The following ADCY2 variants were observed in gnomAD, a reference collection of about 807,000 sequenced individuals.
The protein encoded by ADCY2 is adenylate cyclase 2.
In ADCY2, 31 loss-of-function variants were observed where a neutral mutation model predicts 125.2. The observed-to-expected ratio is 0.25, with a 90% CI of 0.19 to 0.33. ADCY2 has a LOEUF of 0.33. Among genes scored for constraint, ADCY2 ranks in the 10% least tolerant of loss-of-function variants. The probability of loss-of-function intolerance (pLI) is 1.00; values close to 1 mark genes in which losing one functional copy is unlikely to be tolerated. For synonymous variants in ADCY2, 512 were observed against 548.4 expected (o/e 0.93, Z 0.93); for missense variants, 904 against 1,418.2 (o/e 0.64, Z 5.82).
At chr5:7,696,857 A>G (rs947449387) in intron 6 of ADCY2, among the ~76,000 whole-genome samples, 1 of 152,182 alleles carries the variant, frequency 6.6e-6, no homozygotes, top group Non-Finnish European at 1.5e-5. Context: ...CAGTAAAAGC[A>G]CAGCTCTGCT....
intron 15 of ADCY2, among the ~76,000 whole-genome samples, chr5:7,752,602 T>A (rs1267769180): frequency 1.3e-5 from 2 of 152,120 alleles, no homozygotes; most frequent in African/African-American, 2.4e-5. Flanking sequence ...AATGATTAAG[T>A]TAAATTATGA....
At chr5:7,474,748 G>A (rs1030869775) in intron 2 of ADCY2, among the ~76,000 whole-genome samples, 11 of 152,230 alleles carry the variant, frequency 7.2e-5, no homozygotes, top group African/African-American at 2.7e-4. Flanking sequence ...TAAGCACACT[G>A]GGAAGTGGCT....
intron 3 of ADCY2, among the ~76,000 whole-genome samples, chr5:7,563,503 A>T (rs1431468914): frequency 6.6e-6 from 1 of 152,164 alleles, no homozygotes; most frequent in African/African-American, 2.4e-5. Context: ...TAAGATCAAA[A>T]TGTGCAGGCT....
chr5:7,724,114 CAAAAAAAAAAA>C lies in ADCY2; in HGVS notation c.1704-417_1704-407del, dbSNP rs1272949604. ...TGATCTGTTGCCCTCTAGAAGCTAA[CAAAAAAAAAAA>C]AAAAAAAAAAAAAGGTGCTTCTCTA... On this transcript the variant is annotated intron_variant, in intron 12 of 24. Coordinates refer to ENST00000338316, the MANE Select transcript of ADCY2 (RefSeq NM_020546.3). Among the ~76,000 whole-genome samples, 5 of 76,568 alleles carry C rather than the reference CAAAAAAAAAAA, an allele frequency of 6.5e-5. No homozygotes were observed. The South Asian group carries it at 3.2e-3, about 49-fold the overall frequency. 50.2% of individuals were successfully genotyped at this position (76,568 alleles called of 152,430 possible).
chr5:7,595,204 A>G (rs1404401456), intron 3 of ADCY2, among the ~76,000 whole-genome samples: 1 of 152,230 alleles, frequency 6.6e-6, no homozygotes, highest in Non-Finnish European at 1.5e-5. Flanking sequence ...AGTAGGAATA[A>G]ATTTAAAAAC....
chr5:7,781,989 T>G (rs1206476662), intron 18 of ADCY2, among the ~76,000 whole-genome samples: 2 of 152,124 alleles, frequency 1.3e-5, no homozygotes, highest in African/African-American at 4.8e-5. Flanking sequence ...GCTAACAGAA[T>G]GAAAGAAGTC....
At chr5:7,600,469 C>G (rs1231045029) in intron 3 of ADCY2, among the ~76,000 whole-genome samples, 2 of 152,178 alleles carry the variant, frequency 1.3e-5, no homozygotes, top group African/African-American at 4.8e-5. Context: ...ACAACTGTCT[C>G]AAGGCACAAA....
chr5:7,587,502 C>T (rs773486878), intron 3 of ADCY2, among the ~76,000 whole-genome samples: 9 of 152,288 alleles, frequency 5.9e-5, no homozygotes, highest in South Asian at 2.1e-4. Context: ...AAACAGTCTT[C>T]GTTCTCAACG....
chr5:7,615,473 G>A (rs1033995185), intron 3 of ADCY2, among the ~76,000 whole-genome samples: 21 of 152,098 alleles, frequency 1.4e-4, no homozygotes, highest in African/African-American at 4.8e-4. Flanking sequence ...TCTTGTCTCA[G>A]AAGAAGAAAA....
chr5:7,738,366 G>A (rs1189342178), intron 14 of ADCY2, among the ~76,000 whole-genome samples: 1 of 151,506 alleles, frequency 6.6e-6, no homozygotes, highest in African/African-American at 2.4e-5. Context: ...AAGCCAAGAG[G>A]AAATGAAAAA....
intron 3 of ADCY2, among the ~76,000 whole-genome samples, chr5:7,541,050 T>C (rs759881204): frequency 6.6e-6 from 1 of 152,112 alleles, no homozygotes; most frequent in Non-Finnish European, 1.5e-5. Context: ...GTGTGCATGA[T>C]CTCGGCACAG....
intron 11 of ADCY2, among the ~76,000 whole-genome samples, chr5:7,713,724 A>C (rs1351614478): frequency 6.6e-6 from 1 of 152,142 alleles, no homozygotes; most frequent in East Asian, 1.9e-4. Context: ...ACAGAGTTTT[A>C]CTTTAATATT....
At chr5:7,788,627 C>T (rs1303532918) in intron 19 of ADCY2, among the ~76,000 whole-genome samples, 2 of 152,132 alleles carry the variant, frequency 1.3e-5, no homozygotes, top group African/African-American at 4.8e-5. Flanking sequence ...GAATGATCAT[C>T]GTTCTTTCAA....
intron 4 of ADCY2, among the ~76,000 whole-genome samples, chr5:7,676,689 A>G (rs1458468666): frequency 6.6e-6 from 1 of 152,206 alleles, no homozygotes; most frequent in Non-Finnish European, 1.5e-5. Flanking sequence ...TTGAGGTAGA[A>G]GCCACAGTGT....
chr5:7,470,878 T>C (rs1472261518), intron 2 of ADCY2, among the ~76,000 whole-genome samples: 3 of 151,816 alleles, frequency 2.0e-5, no homozygotes, highest in African/African-American at 4.8e-5. Context: ...GTGTTGATTT[T>C]TCCAACTACG....
At chr5:7,698,167 G>A in intron 6 of ADCY2, 80 bp from the exon 7 acceptor site, 1 of 1,560,544 alleles carries the variant, frequency 6.4e-7, no homozygotes, top group East Asian at 2.2e-5. Flanking sequence ...GAGCAGAGCT[G>A]GCGCTTGATG....
chr5:7,597,975 GC>G (rs1229063265), intron 3 of ADCY2, among the ~76,000 whole-genome samples: 2 of 152,148 alleles, frequency 1.3e-5, no homozygotes, highest in Non-Finnish European at 2.9e-5. Flanking sequence ...GGGCAATCCA[GC>G]CCCCAGCCAG....
At chr5:7,729,936 A>G (rs554561272) in intron 14 of ADCY2, among the ~76,000 whole-genome samples, 5 of 151,758 alleles carry the variant, frequency 3.3e-5, no homozygotes, top group African/African-American at 9.7e-5. Flanking sequence ...TGTTACATGG[A>G]TGAATGTAGA....
intron 4 of ADCY2, among the ~76,000 whole-genome samples, chr5:7,644,097 A>T (rs768920640): frequency 1.3e-5 from 2 of 152,098 alleles, no homozygotes; most frequent in Non-Finnish European, 2.9e-5. Context: ...TATCTCACAA[A>T]TAGTGTCTTC....
Sources: gnomAD v4.1 joint callset for allele counts (sites outside exome capture counted in the v4.1 genomes callset) on GRCh38, gnomAD v4.1.1 for gene constraint, MANE v1.5 for transcripts, NCBI Gene and HGNC (gene_info 2026-07-23, HGNC 2026-07-21) for gene names.